FADS2: variants seen among roughly 807,000 people sequenced by gnomAD.
The protein encoded by FADS2 is acyl-CoA 6-desaturase.
Under a neutral mutation model 61.2 loss-of-function variants are expected in FADS2, and 18 were observed. The ratio of observed to expected loss-of-function variants is 0.29; its 90% CI spans 0.20 to 0.44. The LOEUF (loss-of-function observed/expected upper bound fraction) is 0.44, where lower values mean the gene tolerates loss of function less well. FADS2 is among the 20% of genes least tolerant of loss of function. The pLI, the probability that FADS2 is intolerant of heterozygous loss-of-function variation, is 1.00. For missense variants in FADS2, 322 were observed against 572.7 expected (o/e 0.56, Z 4.47); for synonymous variants, 203 against 223.9 (o/e 0.91, Z 0.83).
chr11:61,820,338 A>G (rs897821933), intron 1 of FADS2, among the ~76,000 whole-genome samples: 1 of 152,058 alleles, frequency 6.6e-6, no homozygotes, highest in Non-Finnish European at 1.5e-5. Context: ...AGTCATGTCT[A>G]CTGGAGGAGA....
At chr11:61,827,584 A>G (rs1264157515), upstream of FADS2, among the ~76,000 whole-genome samples, 1 of 152,198 alleles carries the variant, frequency 6.6e-6, no homozygotes, top group Non-Finnish European at 1.5e-5. The surrounding 1 kb of genome is among the most constrained non-coding windows in gnomAD (Gnocchi z 4.5). Context: ...GCCGCGCGCC[A>G]AGGAAGGGCG....
upstream of FADS2, chr11:61,826,597 T>A: frequency 3.4e-6 from 2 of 585,744 alleles, no homozygotes; most frequent in Admixed American, 3.1e-5. Context: ...CTGGAGGTCT[T>A]GCTTCATCCT....
intron 4 of FADS2, among the ~76,000 whole-genome samples, chr11:61,842,560 C>T (rs1237586891): frequency 3.3e-5 from 5 of 152,162 alleles, no homozygotes; most frequent in Admixed American, 6.5e-5. Context: ...TTGCGTCAGG[C>T]GGGAGACGGG....
At chr11:61,819,529 A>G (rs2067021104) in intron 1 of FADS2, among the ~76,000 whole-genome samples, 1 of 152,170 alleles carries the variant, frequency 6.6e-6, no homozygotes, top group Non-Finnish European at 1.5e-5. Context: ...CTGGGCAACA[A>G]AGCAAGATTC....
upstream of FADS2, among the ~76,000 whole-genome samples, chr11:61,824,490 G>A (rs1450635486): frequency 1.1e-4 from 1 of 9,286 alleles, no homozygotes; most frequent in Non-Finnish European, 9.5e-4. Flanking sequence ...GAGAGAGAGA[G>A]AAAGAAAGAA....
chr11:61,824,386 G>GAAA (rs1213150632), upstream of FADS2, among the ~76,000 whole-genome samples: 1 of 115,370 alleles, frequency 8.7e-6, no homozygotes. Flanking sequence ...CATCTTGGGG[G>GAAA]AAAAAAAAAG....
chr11:61,853,229 TTCTCTTTCTTTCTTTC>T (rs1256255042), intron 5 of FADS2, among the ~76,000 whole-genome samples: 2 of 112,676 alleles, frequency 1.8e-5, no homozygotes, highest in South Asian at 2.3e-4. Context: ...TCTTTCTTTC[TTCTCTTTCTTTCTTTC>T]TCTCTCTCTT....
rs1308859912 is a variant in FADS2, at chr11:61,853,259, TTCTC to T, written c.745-3749_745-3746del. Among the ~76,000 whole-genome samples the T allele has an allele frequency of 1.9e-3, 205 of 108,780 alleles. 21 individuals are homozygous for T. Among genetic ancestry groups the T allele is most frequent in the African/African-American group, 9.6e-3 (188 of 19,574 alleles). 71.4% of individuals were successfully genotyped at this position (108,780 alleles called of 152,430 possible). A position where few individuals can be genotyped will look rare whatever the true frequency, so the allele number is the denominator to read the frequency against. ...TTTCTTTCTTTCTCTCTCTCTTTCT[TTCTC>T]TCCCTCCCTCCCTTCCCTCCCTCCC... On this transcript the variant is annotated intron_variant, in intron 5 of 11. Transcript: ENST00000278840.
Position 61,816,725 on chromosome 11 carries a change from C to A in FADS2, c.141+299C>A, listed in dbSNP as rs758868643. On this transcript the variant is annotated intron_variant, in intron 1 of 11. Transcript: ENST00000257261. This position sits in a 1 kb window ranked among gnomAD's most constrained non-coding sequence, Gnocchi z 7.0. ...AAGTAGCGCGGGGTAGGTCCCTGAG[C>A]CGCGGTCTCGGCGGCCACCGGGTCG... is the stretch of plus-strand genomic sequence containing the variant. 5.1e-6 allele frequency: 8 copies of A among 1,564,438 alleles called. No homozygotes were observed. Among genetic ancestry groups the A allele is most frequent in the Non-Finnish European group, 2.6e-6 (3 of 1,155,384 alleles).
intron 4 of FADS2, among the ~76,000 whole-genome samples, 184 bp downstream of exon 4, chr11:61,840,909 C>A (rs948696599): frequency 1.3e-5 from 2 of 152,214 alleles, no homozygotes; most frequent in Non-Finnish European, 2.9e-5. Flanking sequence ...CAGGTCCGAA[C>A]CACAAAGCCA....
chr11:61,817,137 GC>G, intron 1 of FADS2: 1 of 519,032 alleles, frequency 1.9e-6, no homozygotes. Flanking sequence ...GGCCCTGGGT[GC>G]GGGGCCGCGC....
upstream of FADS2, chr11:61,825,893 A>C (rs1345486780): frequency 2.0e-6 from 1 of 510,120 alleles, no homozygotes; most frequent in Non-Finnish European, 3.5e-6. Flanking sequence ...ACTGCATCTC[A>C]AAAAAAAATT....
chr11:61,865,553 C>A lies in FADS2; in HGVS notation c.1284-85C>A. 3.1e-6 allele frequency: 4 copies of A among 1,298,496 alleles called. No individual in the cohort carries two copies. Among genetic ancestry groups the A allele is most frequent in the Non-Finnish European group, 4.4e-6 (4 of 909,642 alleles). 80.4% of individuals were successfully genotyped at this position (1,298,496 alleles called of 1,614,324 possible). A position where few individuals can be genotyped will look rare whatever the true frequency, so the allele number is the denominator to read the frequency against. The stretch of plus-strand genomic sequence containing the variant: ...AGGGCCAAGGGGACATACATGCCAC[C>A]TTAATGATGGCCTCCTCAGCCCTTG... On this transcript the variant is annotated intron_variant, in intron 11 of 11. Transcript: ENST00000278840. This position sits in a 1 kb window ranked among gnomAD's most constrained non-coding sequence, Gnocchi z 4.1.
chr11:61,853,276 TTCCCTCCC>T lies in FADS2; in HGVS notation c.745-3725_745-3718del, dbSNP rs1262628030. ...CTCTTTCTTTCTCTCCCTCCCTCCC[TTCCCTCCC>T]TCCCTCCCTTCCTTCCTTCCTTCCT... On this transcript the variant is annotated intron_variant, in intron 5 of 11. Transcript: ENST00000278840. 1.2e-3 allele frequency among the ~76,000 whole-genome samples: 77 copies of T among 64,600 alleles called. 7 individuals are homozygous for T. The highest frequency in any genetic ancestry group is 4.8e-3 in the South Asian group (8 of 1,660). The allele number at this position is 64,600 out of a possible 152,430, so 42.4% of individuals were successfully genotyped here.
intron 10 of FADS2, chr11:61,864,017 T>G: frequency 1.9e-6 from 1 of 516,338 alleles, no homozygotes; most frequent in Non-Finnish European, 3.5e-6. Flanking sequence ...CACTTGGTCA[T>G]AGTGGTTACC....
chr11:61,830,493 G>A (rs901005085), intron 1 of FADS2, among the ~76,000 whole-genome samples: 6 of 152,152 alleles, frequency 3.9e-5, no homozygotes, highest in Non-Finnish European at 7.3e-5. Flanking sequence ...TCCTAACAGA[G>A]GACTAGAATG....
At chr11:61,856,933 G>A (rs2067364109) in intron 5 of FADS2, 78 bp from the exon 6 acceptor site, 11 of 1,109,620 alleles carry the variant, frequency 9.9e-6, no homozygotes, top group East Asian at 4.7e-5. Flanking sequence ...AGGGATGGTG[G>A]CTGCAGGATG....
chr11:61,819,098 T>C (rs572754311), intron 1 of FADS2, among the ~76,000 whole-genome samples: 4 of 152,136 alleles, frequency 2.6e-5, no homozygotes, highest in African/African-American at 9.6e-5. Flanking sequence ...ATGGCTTTGA[T>C]CTCCTGACCT....
chr11:61,817,141 G>A lies in FADS2; in HGVS notation c.141+715G>A, dbSNP rs1175724366. 6 of 513,354 alleles carry A rather than the reference G, an allele frequency of 1.2e-5. No homozygotes were observed. In the African/African-American group the frequency reaches 1.2e-4, roughly 10 times the overall value. The allele number at this position is 513,354 out of a possible 1,614,324, so 31.8% of individuals were successfully genotyped here. A position where few individuals can be genotyped will look rare whatever the true frequency, so the allele number is the denominator to read the frequency against. On this transcript the variant is annotated intron_variant, in intron 1 of 11. Coordinates refer to the FADS2 transcript ENST00000257261. ...GTTCTAGTGCAGGCCCTGGGTGCGGGGCCGCGCTGCAGGAGTGAATGGACT... is the reference window on the plus strand; with the variant it reads ...GTTCTAGTGCAGGCCCTGGGTGCGGAGCCGCGCTGCAGGAGTGAATGGACT...
Sources: gnomAD v4.1 joint callset for allele counts (sites outside exome capture counted in the v4.1 genomes callset) on GRCh38, gnomAD v4.1.1 for gene constraint, Gnocchi (gnomAD v3.1) non-coding constraint, MANE v1.5 for transcripts, NCBI Gene and HGNC (gene_info 2026-07-23, HGNC 2026-07-21) for gene names.